Variants in ZRANB3 observed in about 807,000 individuals in gnomAD.
ZRANB3 encodes DNA annealing helicase and endonuclease ZRANB3.
A neutral mutation model predicts 133.8 loss-of-function variants in ZRANB3; 125 were observed. That is an observed-to-expected ratio of 0.93 (90% CI 0.81 to 1.08). The LOEUF (loss-of-function observed/expected upper bound fraction) is 1.08. Among genes scored for constraint, ZRANB3 ranks in the 50% least tolerant of loss-of-function variants. The pLI, the probability that ZRANB3 is intolerant of heterozygous loss-of-function variation, is 0.00. For synonymous variants in ZRANB3, 387 were observed against 432.7 expected (o/e 0.89, Z 1.31); for missense variants, 1,229 against 1,275.5 (o/e 0.96, Z 0.56).
intron 1 of ZRANB3, among the ~76,000 whole-genome samples, chr2:135,519,287 T>C (rs1326858691): frequency 1.3e-5 from 2 of 152,142 alleles, no homozygotes; most frequent in African/African-American, 2.4e-5. Flanking sequence ...TCCGCATTAT[T>C]TCTTACAATT....
At chr2:135,402,803 CT>C (rs1048684469) in intron 2 of ZRANB3, among the ~76,000 whole-genome samples, 6 of 152,102 alleles carry the variant, frequency 3.9e-5, no homozygotes, top group Non-Finnish European at 8.8e-5. Flanking sequence ...CCAGACTGGT[CT>C]GGAACTCCTG....
At chr2:135,378,279 G>A (rs983900422) in intron 3 of ZRANB3, among the ~76,000 whole-genome samples, 1 of 152,160 alleles carries the variant, frequency 6.6e-6, no homozygotes, top group East Asian at 1.9e-4. Context: ...GATCACTTGA[G>A]GTCAGGAGTT....
At chr2:135,451,984 G>C (rs554901779) in intron 2 of ZRANB3, among the ~76,000 whole-genome samples, 1 of 152,242 alleles carries the variant, frequency 6.6e-6, no homozygotes, top group African/African-American at 2.4e-5. Flanking sequence ...AAACAGAAGG[G>C]GGAGAGAAGT....
intron 1 of ZRANB3, among the ~76,000 whole-genome samples, chr2:135,519,468 C>G (rs1693834203): frequency 1.3e-5 from 2 of 152,038 alleles, no homozygotes; most frequent in Non-Finnish European, 2.9e-5. Flanking sequence ...CTAAACAGAG[C>G]AAGACTCAGA....
chr2:135,426,109 A>C (rs932460871), intron 2 of ZRANB3, among the ~76,000 whole-genome samples: 36 of 152,246 alleles, frequency 2.4e-4, no homozygotes, highest in African/African-American at 7.9e-4. Flanking sequence ...TTATGGAAAA[A>C]TACAACCCTC....
At chr2:135,241,257 C>T (rs185054496) in intron 12 of ZRANB3, among the ~76,000 whole-genome samples, 1 of 151,502 alleles carries the variant, frequency 6.6e-6, no homozygotes, top group East Asian at 1.9e-4. Context: ...GTCTTTTTAC[C>T]CTGTAAACTC....
chr2:135,233,208 A>G (rs986581887), intron 12 of ZRANB3, among the ~76,000 whole-genome samples: 1 of 152,254 alleles, frequency 6.6e-6, no homozygotes, highest in Non-Finnish European at 1.5e-5. Flanking sequence ...GGAAGATCAA[A>G]TGAATGAAAT....
intron 3 of ZRANB3, among the ~76,000 whole-genome samples, chr2:135,376,435 A>G (rs1258906698): frequency 6.6e-6 from 1 of 152,226 alleles, no homozygotes; most frequent in Non-Finnish European, 1.5e-5. Context: ...GGAAGCAATC[A>G]AGATGTCTCT....
intron 1 of ZRANB3, among the ~76,000 whole-genome samples, chr2:135,515,976 T>A (rs1693680113): frequency 6.6e-6 from 1 of 152,180 alleles, no homozygotes; most frequent in Non-Finnish European, 1.5e-5. Context: ...ATTGGGTGCA[T>A]ATATATTTAA....
intron 1 of ZRANB3, among the ~76,000 whole-genome samples, chr2:135,515,990 A>C (rs1009604522): frequency 2.0e-4 from 30 of 152,204 alleles, no homozygotes; most frequent in African/African-American, 7.2e-4. Flanking sequence ...TATTTAAAAC[A>C]GTTAGCTCTT....
At chr2:135,292,073 T>C (rs1681775136) in intron 8 of ZRANB3, among the ~76,000 whole-genome samples, 1 of 152,220 alleles carries the variant, frequency 6.6e-6, no homozygotes, top group Admixed American at 6.5e-5. Flanking sequence ...CATGTGTCTT[T>C]ATAGCAGCAT....
chr2:135,408,866 T>C (rs1376193704), intron 2 of ZRANB3, among the ~76,000 whole-genome samples: 1 of 151,966 alleles, frequency 6.6e-6, no homozygotes, highest in African/African-American at 2.4e-5. Flanking sequence ...TGGAGATATA[T>C]CTAATGTTAA....
intron 2 of ZRANB3, among the ~76,000 whole-genome samples, chr2:135,502,041 A>T (rs1692972538): frequency 6.6e-6 from 1 of 152,184 alleles, no homozygotes; most frequent in Admixed American, 6.5e-5. Context: ...ATTACAGCAG[A>T]CCTATATTGC....
At chr2:135,360,530 C>T (rs933314418) in intron 3 of ZRANB3, among the ~76,000 whole-genome samples, 1 of 151,616 alleles carries the variant, frequency 6.6e-6, no homozygotes, top group Non-Finnish European at 1.5e-5. Context: ...ACGGTGAAAC[C>T]CCATCTCCAC....
chr2:135,498,859 T>C (rs893314852), intron 2 of ZRANB3, among the ~76,000 whole-genome samples: 1 of 152,196 alleles, frequency 6.6e-6, no homozygotes, highest in African/African-American at 2.4e-5. Flanking sequence ...TCCCACCTAA[T>C]AAATTTTGGT....
intron 15 of ZRANB3, among the ~76,000 whole-genome samples, chr2:135,221,462 T>C (rs1307335007): frequency 6.6e-6 from 1 of 152,188 alleles, no homozygotes; most frequent in African/African-American, 2.4e-5. Flanking sequence ...TACCAGGAGC[T>C]TGCAGTTCTC....
chr2:135,311,538 C>G (rs920065337), intron 8 of ZRANB3, among the ~76,000 whole-genome samples: 3 of 150,918 alleles, frequency 2.0e-5, no homozygotes, highest in African/African-American at 7.3e-5. Flanking sequence ...TTACAATAGT[C>G]TAAAACAGAA....
intron 15 of ZRANB3, among the ~76,000 whole-genome samples, chr2:135,221,004 C>A (rs1694530686): frequency 6.6e-6 from 1 of 151,810 alleles, no homozygotes; most frequent in Non-Finnish European, 1.5e-5. Context: ...TTACTGGTGC[C>A]TGCCACCATG....
intron 3 of ZRANB3, among the ~76,000 whole-genome samples, chr2:135,379,181 A>G (rs1203289635): frequency 6.6e-6 from 1 of 152,202 alleles, no homozygotes; most frequent in African/African-American, 2.4e-5. Flanking sequence ...ATTGTATTAA[A>G]TTAAAAATTT....
Sources: allele counts gnomAD v4.1 joint callset (sites outside exome capture counted in the v4.1 genomes callset), GRCh38; gene constraint gnomAD v4.1.1; transcripts MANE v1.5; gene names NCBI Gene and HGNC (gene_info 2026-07-23, HGNC 2026-07-21).